Variants in ARHGAP6 observed in about 807,000 individuals in gnomAD.
ARHGAP6 encodes Rho GTPase activating protein 6.
ARHGAP6 carries 16 observed loss-of-function variants against 55.7 expected under a neutral mutation model. The observed-to-expected ratio is 0.29, with a 90% CI of 0.19 to 0.44. The LOEUF (loss-of-function observed/expected upper bound fraction) is 0.44, where lower values mean the gene tolerates loss of function less well. ARHGAP6 is among the 20% of genes least tolerant of loss of function. ARHGAP6 has a pLI of 1.00. For synonymous variants in ARHGAP6, 382 were observed against 360.9 expected, an observed-to-expected ratio of 1.06 and a Z score of -0.66; for missense variants, 698 against 808.9, an observed-to-expected ratio of 0.86 and a Z score of 1.66.
chrX:11,545,290 C>T (rs1289461830), intron 1 of ARHGAP6, among the ~76,000 whole-genome samples: 1 of 112,272 alleles, frequency 8.9e-6, no homozygotes, highest in Non-Finnish European at 1.9e-5. Flanking sequence ...ATCTTGACTT[C>T]AAGGAGATAT....
intron 1 of ARHGAP6, among the ~76,000 whole-genome samples, chrX:11,430,224 A>G (rs1036196125): frequency 8.9e-5 from 10 of 112,508 alleles, no homozygotes; most frequent in African/African-American, 2.6e-4. Flanking sequence ...AAAATGTAGT[A>G]AGTCACTAAA....
chrX:11,365,754 C>G (rs1336480861), intron 1 of ARHGAP6, among the ~76,000 whole-genome samples: 5 of 112,139 alleles, frequency 4.5e-5, no homozygotes, highest in Non-Finnish European at 9.4e-5. Context: ...CTGGCCTTAC[C>G]ACTTGCATTG....
chrX:11,352,276 G>A (rs899171247), intron 1 of ARHGAP6, among the ~76,000 whole-genome samples: 5 of 111,897 alleles, frequency 4.5e-5, no homozygotes, highest in African/African-American at 1.6e-4. Context: ...CAACAGAGAT[G>A]GGGAGTTATT....
chrX:11,421,235 T>C lies in ARHGAP6; in HGVS notation c.589-166528A>G, dbSNP rs1408204996. ...TTTTAGAAAGTGCCATACAAAATTG[T>C]TCTCAAAAACATTTAAGATTTTGAT... On this transcript the variant is annotated intron_variant, in intron 1 of 12. Coordinates refer to ENST00000337414, the MANE Select transcript of ARHGAP6 (RefSeq NM_013427.3). Among the ~76,000 whole-genome samples, 3 of 112,704 alleles carry C rather than the reference T, an allele frequency of 2.7e-5. No individual in the cohort carries two copies. In the East Asian group the frequency reaches 8.3e-4, roughly 31 times the overall value.
chrX:11,324,610 A>T (rs2048476201), intron 1 of ARHGAP6, among the ~76,000 whole-genome samples: 2 of 108,234 alleles, frequency 1.8e-5, no homozygotes, highest in South Asian at 8.1e-4. Context: ...AAAAAAAAAA[A>T]TCTAAAGGGC....
chrX:11,223,252 G>T, intron 2 of ARHGAP6: 1 of 149,706 alleles, frequency 6.7e-6, no homozygotes, highest in Non-Finnish European at 1.4e-5. Flanking sequence ...CGTATTTTGA[G>T]AACAATACAA....
intron 1 of ARHGAP6, chrX:11,298,413 T>C (rs2048120581): frequency 9.0e-7 from 1 of 1,116,510 alleles, no homozygotes; most frequent in African/African-American, 1.8e-5. Context: ...CATATCTGTG[T>C]ACACAGTTAC....
intron 1 of ARHGAP6, among the ~76,000 whole-genome samples, chrX:11,351,047 T>TACACACACACAC (rs35026703): frequency 1.1e-3 from 99 of 87,965 alleles, no homozygotes; most frequent in South Asian, 5.8e-3. Context: ...ATATTCAAAT[T>TACACACACACAC]ACACACACAC....
At chrX:11,155,639 T>C (rs1235395736) in intron 10 of ARHGAP6, among the ~76,000 whole-genome samples, 1 of 112,054 alleles carries the variant, frequency 8.9e-6, no homozygotes, top group Non-Finnish European at 1.9e-5. Flanking sequence ...TCAGAGATCA[T>C]AGGTCATGGG....
intron 1 of ARHGAP6, among the ~76,000 whole-genome samples, chrX:11,394,708 A>G (rs951138444): frequency 9.0e-6 from 1 of 111,172 alleles, no homozygotes; most frequent in Non-Finnish European, 1.9e-5. Context: ...GAATGAAAAT[A>G]AACATCATTT....
At chrX:11,427,818 G>GGAGGAGGAGGAGGGGGAGGGGGAA (rs2049901762) in intron 1 of ARHGAP6, 1 of 212,370 alleles carries the variant, frequency 4.7e-6, no homozygotes, top group Admixed American at 5.9e-4. Context: ...AGGGGGAAGA[G>GGAGGAGGAGGAGGGGGAGGGGGAA]GAGGAGGAGG....
chrX:11,392,476 G>T (rs921730689), intron 1 of ARHGAP6, among the ~76,000 whole-genome samples: 1 of 111,903 alleles, frequency 8.9e-6, no homozygotes, highest in Non-Finnish European at 1.9e-5. Context: ...AAACATGAAT[G>T]AAGCCTGAAT....
intron 3 of ARHGAP6, among the ~76,000 whole-genome samples, chrX:11,190,478 T>TATAC (rs1337440913): frequency 2.0e-5 from 2 of 100,340 alleles, no homozygotes; most frequent in African/African-American, 7.2e-5. Flanking sequence ...TATATATATA[T>TATAC]ATACATATAT....
chrX:11,414,414 A>G (rs1463775215), intron 1 of ARHGAP6, among the ~76,000 whole-genome samples: 1 of 111,222 alleles, frequency 9.0e-6, no homozygotes, highest in Non-Finnish European at 1.9e-5. Context: ...ACTGATTCTT[A>G]GCTCATAGGA....
chrX:11,423,567 C>G (rs1267339986), intron 1 of ARHGAP6, among the ~76,000 whole-genome samples: 1 of 112,109 alleles, frequency 8.9e-6, no homozygotes, highest in African/African-American at 3.2e-5. Context: ...GGAGCTCAGA[C>G]TAGACCAGTA....
At chrX:11,382,569 A>ATCC (rs1211363666) in intron 1 of ARHGAP6, among the ~76,000 whole-genome samples, 4 of 111,677 alleles carry the variant, frequency 3.6e-5, no homozygotes, top group African/African-American at 1.3e-4. Context: ...CACTCTTTAT[A>ATCC]ATTTTGTCTA....
intron 1 of ARHGAP6, among the ~76,000 whole-genome samples, chrX:11,528,823 A>G (rs983422970): frequency 8.9e-6 from 1 of 111,779 alleles, no homozygotes; most frequent in Non-Finnish European, 1.9e-5. Flanking sequence ...TCTCCAAGGC[A>G]TCCATGCATG....
At chrX:11,565,619 T>C (rs1383059415) in intron 1 of ARHGAP6, among the ~76,000 whole-genome samples, 1 of 112,597 alleles carries the variant, frequency 8.9e-6, no homozygotes, top group Non-Finnish European at 1.9e-5. Flanking sequence ...AGTAGGTATC[T>C]GAGACCATCA....
Position 11,138,712 on chromosome X carries a change from T to C in ARHGAP6, c.*151A>G. ...TTCTCAATGGCGGGGGCGTGAGTGCTCTACCTCTGTAGGTGAACTGGATTT... is the reference window on the plus strand; with the variant it reads ...TTCTCAATGGCGGGGGCGTGAGTGCCCTACCTCTGTAGGTGAACTGGATTT... On this transcript the variant is annotated 3_prime_UTR_variant, in exon 13 of 13. Transcript: ENST00000337414. 2 of 624,986 alleles carry C rather than the reference T, an allele frequency of 3.2e-6. No individual in the cohort carries two copies. The highest frequency in any genetic ancestry group is 4.8e-6 in the Non-Finnish European group (2 of 415,512). The allele number at this position is 624,986 out of a possible 1,213,427, so 51.5% of individuals were successfully genotyped here. A position where few individuals can be genotyped will look rare whatever the true frequency, so the allele number is the denominator to read the frequency against.
Sources: allele counts gnomAD v4.1 joint callset (sites outside exome capture counted in the v4.1 genomes callset), GRCh38; gene constraint gnomAD v4.1.1; transcripts MANE v1.5; gene names NCBI Gene and HGNC (gene_info 2026-07-23, HGNC 2026-07-21).